GRXCR2: variants seen among roughly 807,000 people sequenced by gnomAD.
GRXCR2 encodes glutaredoxin and cysteine rich domain containing 2.
Under a neutral mutation model 24.8 loss-of-function variants are expected in GRXCR2, and 23 were observed. The ratio of observed to expected loss-of-function variants is 0.93; its 90% confidence interval spans 0.67 to 1.32. The LOEUF (loss-of-function observed/expected upper bound fraction) is 1.32, where lower values mean the gene tolerates loss of function less well. GRXCR2 is among the 40% of genes most tolerant of loss of function. The probability of loss-of-function intolerance (pLI) is 0.00; values close to 1 mark genes in which losing one functional copy is unlikely to be tolerated. For synonymous variants in GRXCR2, 130 were observed against 116.1 expected (o/e 1.12, Z -0.77); for missense variants, 315 against 303.4 (o/e 1.04, Z -0.28).
intron 2 of GRXCR2, among the ~76,000 whole-genome samples, chr5:145,894,539 T>C (rs1561684699): frequency 6.6e-6 from 1 of 152,080 alleles, no homozygotes; most frequent in African/African-American, 2.4e-5. Flanking sequence ...CTAGAAGAAA[T>C]GCATAAATTC....
intron 2 of GRXCR2, among the ~76,000 whole-genome samples, chr5:145,864,592 TGG>T (rs778267045): frequency 1.2e-4 from 18 of 152,118 alleles, no homozygotes; most frequent in Non-Finnish European, 2.2e-4. Context: ...CCAGAGCTGG[TGG>T]TTTTAAAGCA....
At position 145,889,181 on chromosome 5, in the gene GRXCR2, A is replaced by AAAG. The variant is rs750987224; in HGVS notation, c.-69-22456_-69-22454dup. 5.7e-3 allele frequency among the ~76,000 whole-genome samples: 605 copies of AAAG among 105,560 alleles called. 9 individuals carry two copies. Among genetic ancestry groups the AAAG allele is most frequent in the Non-Finnish European group, 9.4e-3 (461 of 49,164 alleles). The allele number at this position is 105,560 out of a possible 152,430, so 69.3% of individuals were successfully genotyped here. On this transcript the variant is annotated intron_variant, in intron 2 of 3. Coordinates refer to the GRXCR2 transcript ENST00000639411. ...GAGACTCTGTCTCAAAAAAAGAAAGAAAGAAAGAAAGAAAGAAAGAAAGAA... is the reference window on the plus strand; with the variant it reads ...GAGACTCTGTCTCAAAAAAAGAAAGAAAGAAGAAAGAAAGAAAGAAAGAAAGAA...
At chr5:145,886,716 T>TA (rs1756784501) in intron 2 of GRXCR2, among the ~76,000 whole-genome samples, 1 of 152,186 alleles carries the variant, frequency 6.6e-6, no homozygotes, top group African/African-American at 2.4e-5. Flanking sequence ...GTAAGCCACA[T>TA]ACATATTTTT....
chr5:145,929,791 A>G (rs1295194777), intron 2 of GRXCR2, among the ~76,000 whole-genome samples: 1 of 152,170 alleles, frequency 6.6e-6, no homozygotes. Flanking sequence ...TTGACAATCA[A>G]GAGGAAGAAA....
chr5:145,885,913 CG>C (rs1328491306), intron 2 of GRXCR2, among the ~76,000 whole-genome samples: 3 of 152,226 alleles, frequency 2.0e-5, no homozygotes, highest in Non-Finnish European at 4.4e-5. Context: ...AGTTCACAGT[CG>C]GGAAAACTGA....
intron 2 of GRXCR2, among the ~76,000 whole-genome samples, chr5:145,878,906 G>C (rs953204536): frequency 1.3e-5 from 2 of 151,912 alleles, no homozygotes; most frequent in Admixed American, 6.6e-5. Flanking sequence ...CATTCTTAAA[G>C]AAAATTTTCA....
At chr5:145,907,104 T>A (rs981128782) in intron 2 of GRXCR2, among the ~76,000 whole-genome samples, 3 of 151,922 alleles carry the variant, frequency 2.0e-5, no homozygotes, top group Non-Finnish European at 4.4e-5. Context: ...GTAGGTCAGA[T>A]GAGATTAGAG....
intron 1 of GRXCR2, among the ~76,000 whole-genome samples, chr5:145,867,246 C>T (rs1236172888): frequency 6.6e-6 from 1 of 152,166 alleles, no homozygotes; most frequent in Admixed American, 6.5e-5. Context: ...ATAGTTTCCA[C>T]ATTTTAAGGT....
intron 2 of GRXCR2, among the ~76,000 whole-genome samples, chr5:145,905,959 G>A (rs1216720981): frequency 6.6e-6 from 1 of 152,134 alleles, no homozygotes; most frequent in Non-Finnish European, 1.5e-5. Flanking sequence ...GGAATAGATT[G>A]GGGCTACATT....
chr5:145,910,869 T>G (rs1757155176), intron 2 of GRXCR2, among the ~76,000 whole-genome samples: 2 of 151,606 alleles, frequency 1.3e-5, no homozygotes, highest in African/African-American at 4.9e-5. Context: ...TACCCGTGCA[T>G]GCACACACAT....
At chr5:145,928,351 C>G (rs908426901) in intron 2 of GRXCR2, among the ~76,000 whole-genome samples, 1 of 152,128 alleles carries the variant, frequency 6.6e-6, no homozygotes, top group Non-Finnish European at 1.5e-5. Flanking sequence ...GTGGCGATTC[C>G]TCAGGGATCT....
At chr5:145,910,583 G>A (rs947025045) in intron 2 of GRXCR2, among the ~76,000 whole-genome samples, 3 of 151,608 alleles carry the variant, frequency 2.0e-5, no homozygotes, top group African/African-American at 4.9e-5. Context: ...ATATACTTTC[G>A]TAGTACATAT....
intron 2 of GRXCR2, among the ~76,000 whole-genome samples, chr5:145,894,939 G>T (rs918864014): frequency 1.3e-5 from 2 of 152,116 alleles, no homozygotes; most frequent in Non-Finnish European, 2.9e-5. Flanking sequence ...TATTCACCAT[G>T]ATCAAGTCGT....
chr5:145,902,512 G>A (rs931945122), intron 2 of GRXCR2, among the ~76,000 whole-genome samples: 2 of 152,034 alleles, frequency 1.3e-5, no homozygotes, highest in Non-Finnish European at 2.9e-5. Flanking sequence ...CATCTGATTG[G>A]GTTTCCCACT....
intron 2 of GRXCR2, among the ~76,000 whole-genome samples, chr5:145,921,441 C>T (rs973748988): frequency 1.3e-5 from 2 of 152,318 alleles, no homozygotes; most frequent in Non-Finnish European, 2.9e-5. Context: ...CCCTCCCCTC[C>T]TTCCTTCCCT....
At chr5:145,897,372 A>C (rs1336646135) in intron 2 of GRXCR2, among the ~76,000 whole-genome samples, 4 of 152,110 alleles carry the variant, frequency 2.6e-5, no homozygotes, top group Non-Finnish European at 5.9e-5. Flanking sequence ...AATAGTGGAG[A>C]ACTTTAACAC....
At chr5:145,906,730 C>A (rs1343037004) in intron 2 of GRXCR2, among the ~76,000 whole-genome samples, 1 of 152,246 alleles carries the variant, frequency 6.6e-6, no homozygotes, top group Non-Finnish European at 1.5e-5. Context: ...CTGCCAGCTA[C>A]TCTTCCGGGC....
intron 2 of GRXCR2, among the ~76,000 whole-genome samples, chr5:145,903,934 GGT>G (rs1460459788): frequency 6.6e-6 from 1 of 152,136 alleles, no homozygotes; most frequent in African/African-American, 2.4e-5. Flanking sequence ...CACCAAGCAG[GGT>G]GTTACATGAA....
Position 145,905,866 on chromosome 5 carries a change from A to AT in GRXCR2, c.-70+29834_-70+29835insA, listed in dbSNP as rs1353999810. On this transcript the variant is annotated intron_variant, in intron 2 of 3. Coordinates refer to the GRXCR2 transcript ENST00000639411. ...GAATAAATAAATAAATGAATGAACA[A>AT]ATAGTGGTCCAAGAATAGCACATGG... 2.0e-5 allele frequency among the ~76,000 whole-genome samples: 3 copies of AT among 152,216 alleles called. No homozygotes were observed. In the East Asian group the frequency reaches 5.8e-4, roughly 29 times the overall value.
Sources: allele counts gnomAD v4.1 joint callset (sites outside exome capture counted in the v4.1 genomes callset), GRCh38; gene constraint gnomAD v4.1.1; transcripts MANE v1.5; gene names NCBI Gene and HGNC (gene_info 2026-07-23, HGNC 2026-07-21).